DRC11: variants seen among roughly 807,000 people sequenced by gnomAD.
DRC11 encodes the protein IQ and AAA domain-containing protein 1.
chr2:236,374,256 T>C, the DRC11 span, among the ~76,000 whole-genome samples: 1 of 152,220 alleles, frequency 6.6e-6, no homozygotes, highest in East Asian at 1.9e-4. Flanking sequence ...TATTTTACTA[T>C]GTGGGGATTT....
chr2:236,417,917 C>T, the DRC11 span, among the ~76,000 whole-genome samples: 4,413 of 152,198 alleles, frequency 0.029, 212 homozygotes, highest in African/African-American at 0.1. Context: ...CTCATTCTTT[C>T]TTATGGCTGC....
chr2:236,357,815 T>C, the DRC11 span, among the ~76,000 whole-genome samples: 1 of 126,466 alleles, frequency 7.9e-6, no homozygotes, highest in Non-Finnish European at 1.5e-5. Flanking sequence ...ATATAGAATA[T>C]ATAAATATAC....
chr2:236,363,795 C>A, the DRC11 span: 1 of 1,612,740 alleles, frequency 6.2e-7, no homozygotes, highest in Non-Finnish European at 8.5e-7. This position sits in a 1 kb window ranked among gnomAD's most constrained non-coding sequence, Gnocchi z 5.6. Context: ...AGACTGCATG[C>A]AGCATCATTT....
the DRC11 span, among the ~76,000 whole-genome samples, chr2:236,475,992 A>C: frequency 6.6e-6 from 1 of 152,196 alleles, no homozygotes; most frequent in African/African-American, 2.4e-5. This position sits in a 1 kb window ranked among gnomAD's most constrained non-coding sequence, Gnocchi z 4.8. Context: ...TATATTTTGA[A>C]GTCAGGTGGT....
chr2:236,487,003 A>C, the DRC11 span: 3 of 807,360 alleles, frequency 3.7e-6, no homozygotes, highest in East Asian at 8.0e-5. Context: ...ATGCCAACTA[A>C]TCCTAAGCTC....
At chr2:236,402,445 T>C in the DRC11 span, among the ~76,000 whole-genome samples, 1 of 152,250 alleles carries the variant, frequency 6.6e-6, no homozygotes, top group Admixed American at 6.5e-5. This position sits in a 1 kb window ranked among gnomAD's most constrained non-coding sequence, Gnocchi z 6.0. Flanking sequence ...AGCTTTGCAT[T>C]TGCTCAGGTC....
chr2:236,491,059 T>TATATATACACAC, the DRC11 span, among the ~76,000 whole-genome samples: 2 of 138,222 alleles, frequency 1.4e-5, no homozygotes, highest in African/African-American at 5.6e-5. Flanking sequence ...TATATATATA[T>TATATATACACAC]ACACACAGTA....
At chr2:236,332,421 G>C in the DRC11 span, 3 of 152,240 alleles carry the variant, frequency 2.0e-5, no homozygotes, top group Non-Finnish European at 4.4e-5. This position sits in a 1 kb window ranked among gnomAD's most constrained non-coding sequence, Gnocchi z 5.1. Flanking sequence ...AAGGAGACTT[G>C]CTGTAACTTA....
At chr2:236,359,010 C>T in the DRC11 span, among the ~76,000 whole-genome samples, 1 of 151,460 alleles carries the variant, frequency 6.6e-6, no homozygotes, top group Non-Finnish European at 1.5e-5. The surrounding 1 kb of genome is among the most constrained non-coding windows in gnomAD (Gnocchi z 4.3). Context: ...CTGCTTCTTC[C>T]TGTATCCGCC....
the DRC11 span, among the ~76,000 whole-genome samples, chr2:236,471,816 A>G: frequency 1.9e-4 from 29 of 152,146 alleles, no homozygotes; most frequent in Admixed American, 1.6e-3. The surrounding 1 kb of genome is among the most constrained non-coding windows in gnomAD (Gnocchi z 4.6). Context: ...AGGGTTCTTG[A>G]CCTTAACGGC....
chr2:236,368,391 T>C, the DRC11 span: 1 of 682,578 alleles, frequency 1.5e-6, no homozygotes, highest in African/African-American at 1.8e-5. Flanking sequence ...GATCGGAGAA[T>C]ACAAATTGAA....
At chr2:236,408,252 G>A in the DRC11 span, 3 of 849,916 alleles carry the variant, frequency 3.5e-6, no homozygotes, top group Non-Finnish European at 6.2e-6. The surrounding 1 kb of genome is among the most constrained non-coding windows in gnomAD (Gnocchi z 5.5). Context: ...TGCGGTGATG[G>A]TAGCCTTTCT....
chr2:236,315,894 T>C, the DRC11 span, among the ~76,000 whole-genome samples: 4 of 152,126 alleles, frequency 2.6e-5, no homozygotes, highest in African/African-American at 9.7e-5. This position sits in a 1 kb window ranked among gnomAD's most constrained non-coding sequence, Gnocchi z 5.1. Context: ...GAATGCATGC[T>C]GGGCTTAATA....
At chr2:236,357,088 T>TCGA in the DRC11 span, among the ~76,000 whole-genome samples, 1 of 45,864 alleles carries the variant, frequency 2.2e-5, no homozygotes, top group African/African-American at 1.3e-4. Flanking sequence ...TATCTATATA[T>TCGA]TTTATATATT....
the DRC11 span, among the ~76,000 whole-genome samples, chr2:236,411,387 C>G: frequency 1.3e-5 from 2 of 149,302 alleles, no homozygotes; most frequent in Non-Finnish European, 3.0e-5. Context: ...ATTAAAAAGT[C>G]AGGCAACAAC....
the DRC11 span, chr2:236,465,691 T>C: frequency 2.3e-5 from 37 of 1,610,332 alleles, no homozygotes; most frequent in South Asian, 3.4e-4. The surrounding 1 kb of genome is among the most constrained non-coding windows in gnomAD (Gnocchi z 6.2). Context: ...ACTGACTTCA[T>C]TAAAGAGAGG....
chr2:236,417,407 C>A, the DRC11 span, among the ~76,000 whole-genome samples: 3 of 152,110 alleles, frequency 2.0e-5, no homozygotes, highest in African/African-American at 7.2e-5. Flanking sequence ...AGTCTGTGTG[C>A]TGGTCAGAAC....
the DRC11 span, among the ~76,000 whole-genome samples, chr2:236,349,340 C>T: frequency 3.9e-5 from 6 of 152,088 alleles, no homozygotes; most frequent in Admixed American, 2.6e-4. This position sits in a 1 kb window ranked among gnomAD's most constrained non-coding sequence, Gnocchi z 5.5. Flanking sequence ...GAAAATGAGA[C>T]GTTGTATGTA....
chr2:236,317,009 C>T, the DRC11 span, among the ~76,000 whole-genome samples: 3 of 152,112 alleles, frequency 2.0e-5, no homozygotes, highest in Non-Finnish European at 4.4e-5. This position sits in a 1 kb window ranked among gnomAD's most constrained non-coding sequence, Gnocchi z 5.4. Context: ...AAATCATAGG[C>T]GCTCAGCCGG....
Sources: gnomAD v4.1 joint callset for allele counts (sites outside exome capture counted in the v4.1 genomes callset) on GRCh38, gnomAD v4.1.1 for gene constraint, Gnocchi (gnomAD v3.1) non-coding constraint, MANE v1.5 for transcripts, NCBI Gene and HGNC (gene_info 2026-07-23, HGNC 2026-07-21) for gene names.